The following MAP4 variants were observed in gnomAD, a reference collection of about 807,000 sequenced individuals.
MAP4 encodes the protein microtubule associated protein 4.
A neutral mutation model predicts 170.2 loss-of-function variants in MAP4; 76 were observed. The ratio of observed to expected loss-of-function variants is 0.45; its 90% CI spans 0.37 to 0.54. The LOEUF (loss-of-function observed/expected upper bound fraction) is 0.54. Among genes scored for constraint, MAP4 ranks in the 20% least tolerant of loss-of-function variants. The pLI, the probability that MAP4 is intolerant of heterozygous loss-of-function variation, is 0.00. For synonymous variants in MAP4, 909 were observed against 994.5 expected (o/e 0.91, Z 1.62); for missense variants, 2,506 against 2,748.0 (o/e 0.91, Z 1.97).
chr3:48,088,600 G>A (rs1443562527), intron 1 of MAP4, among the ~76,000 whole-genome samples: 1 of 148,618 alleles, frequency 6.7e-6, no homozygotes, highest in Non-Finnish European at 1.5e-5. Flanking sequence ...CCAGCCCCCC[G>A]CCTGGCCCCC....
chr3:47,963,673 AT>A (rs1283872672), intron 3 of MAP4, among the ~76,000 whole-genome samples: 1 of 152,254 alleles, frequency 6.6e-6, no homozygotes, highest in African/African-American at 2.4e-5. Context: ...AGGATCTACT[AT>A]CCACCAGACA....
intron 1 of MAP4, among the ~76,000 whole-genome samples, chr3:48,052,762 T>C (rs1049789475): frequency 5.9e-5 from 9 of 152,176 alleles, no homozygotes; most frequent in African/African-American, 1.4e-4. Flanking sequence ...AGGAGGACAT[T>C]TGGGGTTCAC....
At chr3:47,987,242 T>C in intron 2 of MAP4, 1 of 542,602 alleles carries the variant, frequency 1.8e-6, no homozygotes, top group Non-Finnish European at 3.0e-6. Flanking sequence ...AAATGTGTCA[T>C]TCTCCATGAA....
intron 1 of MAP4, among the ~76,000 whole-genome samples, chr3:48,013,939 T>G (rs2100106587): frequency 2.0e-5 from 3 of 152,296 alleles, no homozygotes; most frequent in Middle Eastern, 3.4e-3. Flanking sequence ...TATCTGATCT[T>G]TCATTCTGAT....
chr3:47,996,235 C>T (rs2100095521), intron 2 of MAP4, among the ~76,000 whole-genome samples: 1 of 152,092 alleles, frequency 6.6e-6, no homozygotes. Context: ...TAGAAACATA[C>T]TTTATAAACC....
At chr3:47,987,835 G>T (rs1559717983) in intron 2 of MAP4, among the ~76,000 whole-genome samples, 1 of 152,110 alleles carries the variant, frequency 6.6e-6, no homozygotes. Context: ...GTTAAAGTCT[G>T]ATGAGAGTGA....
intron 10 of MAP4, among the ~76,000 whole-genome samples, chr3:47,879,307 G>T (rs2096221320): frequency 6.6e-6 from 1 of 151,880 alleles, no homozygotes; most frequent in Admixed American, 6.6e-5. Flanking sequence ...TGAGGGAAAA[G>T]ATATTGCAAA....
intron 2 of MAP4, among the ~76,000 whole-genome samples, chr3:47,989,301 C>G (rs1308463380): frequency 6.6e-6 from 1 of 152,182 alleles, no homozygotes; most frequent in Admixed American, 6.5e-5. Context: ...ATTAGAAGAT[C>G]TGGGTTCAGG....
intron 1 of MAP4, among the ~76,000 whole-genome samples, chr3:48,054,808 CAAA>C (rs1044719447): frequency 7.8e-6 from 1 of 128,424 alleles, no homozygotes. Flanking sequence ...ACTCTGTCTC[CAAA>C]AAAAAAAAAG....
At chr3:48,034,748 C>G (rs373090041) in intron 1 of MAP4, among the ~76,000 whole-genome samples, 1 of 151,972 alleles carries the variant, frequency 6.6e-6, no homozygotes, top group Non-Finnish European at 1.5e-5. Flanking sequence ...TGCAGTGGCT[C>G]ACACCTGTAA....
At chr3:47,891,600 G>A (rs536444607) in intron 10 of MAP4, 81 of 1,535,710 alleles carry the variant, frequency 5.3e-5, no homozygotes, top group South Asian at 1.3e-4. Flanking sequence ...AGGGCCCTGC[G>A]CACTGCCTTT....
At chr3:47,902,673 C>CAAAA (rs3051642) in intron 10 of MAP4, among the ~76,000 whole-genome samples, 1,191 of 25,750 alleles carry the variant, frequency 0.046, 214 homozygotes, top group Non-Finnish European at 0.059. Flanking sequence ...GACTCTGTCT[C>CAAAA]AAAAAAAAAA....
At chr3:47,957,490 T>A (rs1371236591) in intron 3 of MAP4, among the ~76,000 whole-genome samples, 1 of 152,104 alleles carries the variant, frequency 6.6e-6, no homozygotes, top group African/African-American at 2.4e-5. Context: ...GATGTATTTT[T>A]AAAATAGAGA....
At chr3:47,959,712 T>C (rs1220631163) in intron 3 of MAP4, among the ~76,000 whole-genome samples, 3 of 144,364 alleles carry the variant, frequency 2.1e-5, no homozygotes, top group Non-Finnish European at 4.5e-5. Context: ...TGAGCCAAGA[T>C]CGCGCCGCTG....
At chr3:48,001,814 T>C (rs13091111) in intron 1 of MAP4, among the ~76,000 whole-genome samples, 140 of 152,308 alleles carry the variant, frequency 9.2e-4, no homozygotes, top group Non-Finnish European at 1.2e-3. Flanking sequence ...TTACTTTTCT[T>C]AAAGCAAATG....
chr3:48,055,240 C>A (rs1005696212), intron 1 of MAP4, among the ~76,000 whole-genome samples: 3 of 149,882 alleles, frequency 2.0e-5, no homozygotes, highest in African/African-American at 7.4e-5. Flanking sequence ...GTCTCCGTCT[C>A]CCCATGGTCT....
Position 47,870,801 on chromosome 3 carries a change from C to T in MAP4, c.6294+12G>A. The T allele has an allele frequency of 6.5e-7, 1 of 1,537,262 alleles. No homozygotes were observed. Among genetic ancestry groups the T allele is most frequent in the East Asian group, 2.3e-5 (1 of 44,186 alleles). On this transcript the variant is annotated intron_variant, in intron 15 of 20. Transcript: ENST00000683076. Reference sequence around the variant, plus strand: ...GGCCAGCATGCCAGGACCCCAAGCTCCCTGGACCCACCCGGCCTCCTCCAG... The same window carrying T: ...GGCCAGCATGCCAGGACCCCAAGCTTCCTGGACCCACCCGGCCTCCTCCAG...
chr3:48,047,666 A>G (rs1258767936), intron 1 of MAP4, among the ~76,000 whole-genome samples: 1 of 152,252 alleles, frequency 6.6e-6, no homozygotes, highest in Admixed American at 6.5e-5. Flanking sequence ...TCTGTCAAGT[A>G]GACACAATTA....
At chr3:47,865,994 G>A (rs774746196) in intron 17 of MAP4, among the ~76,000 whole-genome samples, 2 of 152,160 alleles carry the variant, frequency 1.3e-5, no homozygotes, top group Non-Finnish European at 2.9e-5. Flanking sequence ...CACAATGGCA[G>A]CAAGACAAAA....
Sources: allele counts gnomAD v4.1 joint callset (sites outside exome capture counted in the v4.1 genomes callset), GRCh38; gene constraint gnomAD v4.1.1; transcripts MANE v1.5; gene names NCBI Gene and HGNC (gene_info 2026-07-23, HGNC 2026-07-21).